The following CNTNAP2 variants were observed in gnomAD, a reference collection of about 807,000 sequenced individuals.
The protein encoded by CNTNAP2 is contactin associated protein 2.
A neutral mutation model predicts 155.2 loss-of-function variants in CNTNAP2; 98 were observed. The observed-to-expected ratio is 0.63, with a 90% CI of 0.54 to 0.75. The LOEUF (loss-of-function observed/expected upper bound fraction) is 0.75. CNTNAP2 is among the 30% of genes least tolerant of loss of function. CNTNAP2 has a pLI of 0.00. For synonymous variants in CNTNAP2, 651 were observed against 631.2 expected (o/e 1.03, Z -0.47); for missense variants, 1,727 against 1,688.1 (o/e 1.02, Z -0.40).
chr7:146,780,216 C>G (rs932448205), intron 2 of CNTNAP2, among the ~76,000 whole-genome samples: 1 of 151,496 alleles, frequency 6.6e-6, no homozygotes, highest in Non-Finnish European at 1.5e-5. Flanking sequence ...GACGGAGTCT[C>G]TCTCTGTTGC....
intron 8 of CNTNAP2, among the ~76,000 whole-genome samples, chr7:147,284,938 A>G (rs932389457): frequency 3.9e-5 from 6 of 152,020 alleles, no homozygotes; most frequent in South Asian, 2.1e-4. Context: ...AAGAATAAGT[A>G]GTAGAGAGGT....
At chr7:147,798,895 G>A (rs548670444) in intron 13 of CNTNAP2, among the ~76,000 whole-genome samples, 1 of 152,294 alleles carries the variant, frequency 6.6e-6, no homozygotes, top group East Asian at 1.9e-4. Context: ...CAGGGTCTCT[G>A]ATGAAGTCTA....
At chr7:146,593,652 C>CCT (rs1443627802) in intron 1 of CNTNAP2, among the ~76,000 whole-genome samples, 1 of 151,988 alleles carries the variant, frequency 6.6e-6, no homozygotes, top group Non-Finnish European at 1.5e-5. Context: ...TCAATTGGTA[C>CCT]CTCTCTATTA....
intron 1 of CNTNAP2, among the ~76,000 whole-genome samples, chr7:146,411,539 T>A (rs986287861): frequency 1.3e-5 from 2 of 152,168 alleles, no homozygotes; most frequent in Admixed American, 6.5e-5. Context: ...GTTAATTAAC[T>A]TGATGTAGCC....
At chr7:147,729,611 G>T (rs1444967854) in intron 13 of CNTNAP2, among the ~76,000 whole-genome samples, 9 of 152,024 alleles carry the variant, frequency 5.9e-5, no homozygotes. Flanking sequence ...AAACTGTGTG[G>T]ACCACAGGAT....
chr7:147,801,339 T>C (rs1200560425), intron 13 of CNTNAP2, among the ~76,000 whole-genome samples: 1 of 151,366 alleles, frequency 6.6e-6, no homozygotes, highest in African/African-American at 2.4e-5. Flanking sequence ...TTTTTTTTTT[T>C]TTTATTGATC....
chr7:147,802,001 C>T (rs1189631793), intron 13 of CNTNAP2, among the ~76,000 whole-genome samples: 5 of 143,510 alleles, frequency 3.5e-5, no homozygotes, highest in African/African-American at 7.9e-5. Flanking sequence ...CGGGCGGAGA[C>T]GCTCCTCACT....
intron 2 of CNTNAP2, among the ~76,000 whole-genome samples, chr7:146,824,670 T>G (rs1803365200): frequency 6.6e-6 from 1 of 151,792 alleles, no homozygotes; most frequent in East Asian, 1.9e-4. Context: ...ATGACAAAAA[T>G]ATCTTATAAC....
chr7:148,101,356 T>A lies in CNTNAP2; in HGVS notation c.2384-16762T>A, dbSNP rs1183348651. Among the ~76,000 whole-genome samples, 376 of 86,306 alleles carry A rather than the reference T, an allele frequency of 4.4e-3. 3 individuals are homozygous for A. The highest frequency in any genetic ancestry group is 0.013 in the African/African-American group (343 of 27,194). 56.6% of individuals were successfully genotyped at this position (86,306 alleles called of 152,430 possible). A position where few individuals can be genotyped will look rare whatever the true frequency, so the allele number is the denominator to read the frequency against. Reference sequence around the variant, plus strand: ...GCACAAAACTAAAAAGTTCAGTGTGTGTGTGTGTGTGTGTGTGTGTGTGTG... The same window carrying A: ...GCACAAAACTAAAAAGTTCAGTGTGAGTGTGTGTGTGTGTGTGTGTGTGTG... On this transcript the variant is annotated intron_variant, in intron 15 of 23. Transcript: ENST00000361727.
intron 1 of CNTNAP2, among the ~76,000 whole-genome samples, chr7:146,712,964 C>T (rs1801124933): frequency 6.6e-6 from 1 of 151,828 alleles, no homozygotes; most frequent in Admixed American, 6.6e-5. Flanking sequence ...TTCACGCTGA[C>T]CTGTACCCCT....
intron 13 of CNTNAP2, among the ~76,000 whole-genome samples, chr7:147,886,012 C>T (rs1799593771): frequency 6.6e-6 from 1 of 152,222 alleles, no homozygotes; most frequent in African/African-American, 2.4e-5. Context: ...CTTCAAATCA[C>T]GTTGCCTAGA....
At chr7:146,209,332 CT>C (rs1450474873) in intron 1 of CNTNAP2, among the ~76,000 whole-genome samples, 1 of 152,172 alleles carries the variant, frequency 6.6e-6, no homozygotes, top group Non-Finnish European at 1.5e-5. Flanking sequence ...GCATGCAAAA[CT>C]TCCTTCACCT....
At chr7:146,609,087 A>C (rs1443569828) in intron 1 of CNTNAP2, among the ~76,000 whole-genome samples, 2 of 152,162 alleles carry the variant, frequency 1.3e-5, no homozygotes, top group African/African-American at 4.8e-5. Context: ...CCATTTTATT[A>C]CTAGGTCTCA....
intron 1 of CNTNAP2, among the ~76,000 whole-genome samples, chr7:146,496,150 A>G (rs1346812309): frequency 6.6e-6 from 1 of 152,134 alleles, no homozygotes; most frequent in African/African-American, 2.4e-5. Flanking sequence ...ATGCGACGTG[A>G]AGAAAACATA....
At chr7:147,927,972 C>T (rs1800427467) in intron 14 of CNTNAP2, among the ~76,000 whole-genome samples, 1 of 152,146 alleles carries the variant, frequency 6.6e-6, no homozygotes, top group African/African-American at 2.4e-5. Flanking sequence ...TTCCATAATT[C>T]CCACATGTGG....
intron 15 of CNTNAP2, among the ~76,000 whole-genome samples, chr7:147,988,446 G>T (rs1199993801): frequency 2.0e-5 from 3 of 152,094 alleles, no homozygotes; most frequent in Admixed American, 6.6e-5. Flanking sequence ...AAAATATTTT[G>T]ATTTTCTTCC....
At chr7:147,237,049 C>CTTTTTTTTTTTTTTTTTTTTTTTTTT (rs548220734) in intron 8 of CNTNAP2, among the ~76,000 whole-genome samples, 7 of 57,478 alleles carry the variant, frequency 1.2e-4, no homozygotes, top group South Asian at 5.8e-4. Context: ...TTCACCTCCT[C>CTTTTTTTTTTTTTTTTTTTTTTTTTT]TTTTTTTTTT....
chr7:148,265,938 C>T (rs1480479569), intron 20 of CNTNAP2, among the ~76,000 whole-genome samples: 1 of 152,180 alleles, frequency 6.6e-6, no homozygotes, highest in African/African-American at 2.4e-5. Context: ...TCTCCTTCCT[C>T]CCAAGAGCAC....
chr7:147,696,494 A>G (rs903941088), intron 13 of CNTNAP2, among the ~76,000 whole-genome samples: 4 of 152,202 alleles, frequency 2.6e-5, no homozygotes, highest in Non-Finnish European at 4.4e-5. Context: ...ATATACATAG[A>G]GTACATTATT....
Sources: gnomAD v4.1 joint callset for allele counts (sites outside exome capture counted in the v4.1 genomes callset) on GRCh38, gnomAD v4.1.1 for gene constraint, MANE v1.5 for transcripts, NCBI Gene and HGNC (gene_info 2026-07-23, HGNC 2026-07-21) for gene names.